ANO1: variants seen among roughly 807,000 people sequenced by gnomAD.
The protein encoded by ANO1 is anoctamin 1, also known as anoctamin-1.
A neutral mutation model predicts 124.0 loss-of-function variants in ANO1; 59 were observed. The ratio of observed to expected loss-of-function variants is 0.48; its 90% CI spans 0.39 to 0.59. The LOEUF (loss-of-function observed/expected upper bound fraction) is 0.59. Ranked by LOEUF, ANO1 falls within the 20% of genes least tolerant of loss-of-function variation. ANO1 has a pLI of 0.00. For synonymous variants in ANO1, 529 were observed against 532.0 expected (o/e 0.99, Z 0.08); for missense variants, 1,059 against 1,328.0 (o/e 0.80, Z 3.15).
At chr11:69,993,632 C>A (rs1554997901) in intron 1 of ANO1, among the ~76,000 whole-genome samples, 2 of 152,230 alleles carry the variant, frequency 1.3e-5, no homozygotes, top group African/African-American at 4.8e-5. Flanking sequence ...ACCACTGTAT[C>A]CTTGCCCCTT....
At chr11:70,176,519 G>A (rs748262003) in intron 22 of ANO1, among the ~76,000 whole-genome samples, 15 of 152,142 alleles carry the variant, frequency 9.9e-5, no homozygotes, top group Non-Finnish European at 2.1e-4. Context: ...TTATGATAAG[G>A]GGTTTTGGAA....
chr11:70,035,156 G>A (rs1319046994), intron 1 of ANO1, among the ~76,000 whole-genome samples: 2 of 152,322 alleles, frequency 1.3e-5, no homozygotes, highest in Admixed American at 6.5e-5. Flanking sequence ...ACAAGGTGCT[G>A]CTTTCCAGCC....
intron 1 of ANO1, among the ~76,000 whole-genome samples, chr11:70,043,439 T>C (rs1226421290): frequency 6.6e-6 from 1 of 152,154 alleles, no homozygotes; most frequent in African/African-American, 2.4e-5. Context: ...TAAAAAACTT[T>C]CCTTTGTTAA....
chr11:70,144,063 G>T (rs2047256699), intron 11 of ANO1, among the ~76,000 whole-genome samples: 1 of 152,100 alleles, frequency 6.6e-6, no homozygotes. Flanking sequence ...AATGGATTCA[G>T]ATTTCAGGGG....
intron 1 of ANO1, among the ~76,000 whole-genome samples, chr11:70,022,430 C>G (rs1001736318): frequency 6.6e-6 from 1 of 152,136 alleles, no homozygotes. Flanking sequence ...GAAACCCCGT[C>G]TCTACCAAAA....
At chr11:69,968,610 C>G in the ANO1 span, among the ~76,000 whole-genome samples, 2 of 152,214 alleles carry the variant, frequency 1.3e-5, no homozygotes, top group African/African-American at 4.8e-5. Flanking sequence ...CCGTTTCTTC[C>G]TCGGTGGCCC....
At chr11:70,177,555 A>G (rs2048752850) in intron 22 of ANO1, among the ~76,000 whole-genome samples, 2 of 150,214 alleles carry the variant, frequency 1.3e-5, no homozygotes, top group African/African-American at 4.9e-5. Flanking sequence ...AGCCAGGACC[A>G]GAGCCGAGGA....
intron 2 of ANO1, among the ~76,000 whole-genome samples, chr11:70,098,522 C>T (rs550592751): frequency 3.3e-5 from 5 of 152,288 alleles, no homozygotes; most frequent in Middle Eastern, 3.4e-3. Flanking sequence ...AGCACCCCGA[C>T]GCCATGATTG....
At chr11:69,990,961 A>G (rs954401773) in intron 1 of ANO1, among the ~76,000 whole-genome samples, 2 of 151,988 alleles carry the variant, frequency 1.3e-5, no homozygotes, top group African/African-American at 4.8e-5. Flanking sequence ...AAAATTTTTA[A>G]TTTTCATGAA....
intron 11 of ANO1, chr11:70,141,641 G>A (rs562217646): frequency 1.2e-4 from 18 of 152,376 alleles, no homozygotes; most frequent in African/African-American, 4.3e-4. Flanking sequence ...GCGGCTGAGA[G>A]GTGTGAGCGG....
At chr11:70,168,081 G>A (rs1056358605) in intron 21 of ANO1, among the ~76,000 whole-genome samples, 2 of 152,164 alleles carry the variant, frequency 1.3e-5, no homozygotes, top group African/African-American at 4.8e-5. Context: ...GCCGAGAGGT[G>A]GCACATACCT....
At chr11:70,118,334 T>C (rs1344418625) in intron 8 of ANO1, among the ~76,000 whole-genome samples, 1 of 152,192 alleles carries the variant, frequency 6.6e-6, no homozygotes, top group Non-Finnish European at 1.5e-5. Flanking sequence ...TACTGGGCAC[T>C]ACTCTGTGCC....
chr11:70,005,225 G>T (rs1554999886), intron 1 of ANO1, among the ~76,000 whole-genome samples: 1 of 151,794 alleles, frequency 6.6e-6, no homozygotes, highest in Non-Finnish European at 1.5e-5. Context: ...ATGTGTTTAT[G>T]TTCTCATTTA....
chr11:70,177,300 G>A (rs529197583), intron 22 of ANO1, among the ~76,000 whole-genome samples: 3 of 152,362 alleles, frequency 2.0e-5, no homozygotes, highest in Admixed American at 6.5e-5. Flanking sequence ...TGGGCCACAC[G>A]CGCAAGTGAG....
intron 3 of ANO1, among the ~76,000 whole-genome samples, 185 bp from the exon 4 acceptor site, chr11:70,103,814 C>T (rs976942890): frequency 1.3e-5 from 2 of 152,182 alleles, no homozygotes; most frequent in Non-Finnish European, 2.9e-5. Context: ...CTGGGCGCTC[C>T]TGAAACTCTG....
chr11:70,161,680 GAA>G lies in ANO1; in HGVS notation c.1840_1841del (p.Lys614ValfsTer88). On this transcript the variant is annotated frameshift_variant, in exon 18 of 26. Transcript: ENST00000355303. LOFTEE classifies it high-confidence loss of function. The stretch of plus-strand genomic sequence containing the variant: ...GGCTGATCTTCAAGGCTTTCCTGCT[GAA>G]GTTTGTGAATTCCTACACCCCCATC... ...ERLIFKAFLL[K>X]FVNSYTPIFY... The G allele has an allele frequency of 6.2e-7, 1 of 1,614,034 alleles. No individual in the cohort carries two copies. The highest frequency in any genetic ancestry group is 2.2e-5 in the East Asian group (1 of 44,880).
intron 10 of ANO1, among the ~76,000 whole-genome samples, chr11:70,127,652 C>T (rs1214446845): frequency 6.6e-6 from 1 of 152,094 alleles, no homozygotes. Context: ...GCCATGGTCT[C>T]ACCACTGCAC....
rs568576060 is a variant in ANO1 at position 70,060,619 on chromosome 11, A to G, written c.59-17923A>G. 1.3e-3 allele frequency among the ~76,000 whole-genome samples: 198 copies of G among 152,330 alleles called. 1 individual carries two copies. The highest frequency in any genetic ancestry group is 4.6e-3 in the African/African-American group (191 of 41,568). On this transcript the variant is annotated intron_variant, in intron 1 of 27. Transcript: ENST00000531349. ...TAAATGTGAAAGGTGTGAGGAGGAT[A>G]TTAATGCTTGAAGGTTGTGAGAACT... is the stretch of plus-strand genomic sequence containing the variant.
rs1023243998 is a variant in ANO1 at position 70,141,877 on chromosome 11, C to G, written c.1259-7833C>G. Among the ~76,000 whole-genome samples, 5 of 152,178 alleles carry G rather than the reference C, an allele frequency of 3.3e-5. No homozygotes were observed. In the East Asian group the frequency reaches 7.7e-4, roughly 23 times the overall value. On this transcript the variant is annotated intron_variant, in intron 11 of 25. Coordinates refer to ENST00000355303, the MANE Select transcript of ANO1 (RefSeq NM_018043.7). Reference sequence around the variant, plus strand: ...TCCTACAATGGCAAAGAGACAGAAACCTGTTACTGCCTGGCAGCCGGGAGC... The same window carrying G: ...TCCTACAATGGCAAAGAGACAGAAAGCTGTTACTGCCTGGCAGCCGGGAGC...
Sources: allele counts gnomAD v4.1 joint callset (sites outside exome capture counted in the v4.1 genomes callset), GRCh38; gene constraint gnomAD v4.1.1; transcripts MANE v1.5; gene names NCBI Gene and HGNC (gene_info 2026-07-23, HGNC 2026-07-21).